TBCK: variants seen among roughly 807,000 people sequenced by gnomAD.
TBCK encodes TBC1 domain containing kinase.
TBCK carries 99 observed loss-of-function variants against 113.4 expected under a neutral mutation model. That is an observed-to-expected ratio of 0.87 (90% CI 0.74 to 1.03). The LOEUF (loss-of-function observed/expected upper bound fraction) is 1.03. Among genes scored for constraint, TBCK ranks in the 50% least tolerant of loss-of-function variants. The probability of loss-of-function intolerance (pLI) is 0.00; values close to 1 mark genes in which losing one functional copy is unlikely to be tolerated. For synonymous variants in TBCK, 369 were observed against 370.8 expected (o/e 1.00, Z 0.05); for missense variants, 1,045 against 1,061.3 (o/e 0.98, Z 0.21).
chr4:106,152,761 G>C (rs983553338), intron 23 of TBCK, among the ~76,000 whole-genome samples: 1 of 151,982 alleles, frequency 6.6e-6, no homozygotes, highest in African/African-American at 2.4e-5. Context: ...CTCATTACTT[G>C]TTGTTGATCT....
chr4:106,205,939 T>C (rs1755452021), intron 20 of TBCK, among the ~76,000 whole-genome samples: 1 of 152,092 alleles, frequency 6.6e-6, no homozygotes, highest in Non-Finnish European at 1.5e-5. Flanking sequence ...AATACCACTA[T>C]TGCATTTTTG....
Position 106,107,218 on chromosome 4 carries a change from T to C in TBCK, c.2411+8985A>G, listed in dbSNP as rs116969499. On this transcript the variant is annotated intron_variant, in intron 24 of 25. Transcript: ENST00000394708. ...CTTCAACACTCCAATGACAGTATTA[T>C]ACAGATCACTGAAGCAGAAAATTAA... Among the ~76,000 whole-genome samples the C allele has an allele frequency of 6.2e-4, 95 of 152,238 alleles. 1 individual carries two copies. The East Asian group carries it at 0.018, about 28-fold the overall frequency.
At chr4:106,123,377 A>G (rs1744711285) in intron 23 of TBCK, among the ~76,000 whole-genome samples, 1 of 152,254 alleles carries the variant, frequency 6.6e-6, no homozygotes, top group Non-Finnish European at 1.5e-5. Flanking sequence ...AAAAGAGGAT[A>G]CAAACAAATG....
chr4:106,190,975 T>A (rs1376265001), intron 22 of TBCK, among the ~76,000 whole-genome samples: 1 of 152,172 alleles, frequency 6.6e-6, no homozygotes, highest in Admixed American at 6.5e-5. Context: ...AACTTTTAAG[T>A]ACATACAAAA....
intron 25 of TBCK, among the ~76,000 whole-genome samples, chr4:106,050,767 G>A (rs1030909165): frequency 4.6e-5 from 7 of 151,998 alleles, no homozygotes; most frequent in African/African-American, 7.2e-5. Context: ...AACATCCCAC[G>A]TGAGGGGGCC....
At chr4:106,309,314 T>A (rs1057158004) in intron 1 of TBCK, among the ~76,000 whole-genome samples, 1 of 104,210 alleles carries the variant, frequency 9.6e-6, no homozygotes, top group Non-Finnish European at 2.3e-5. Flanking sequence ...TCTTTTTTTT[T>A]TTTTTTTTTT....
intron 19 of TBCK, among the ~76,000 whole-genome samples, chr4:106,223,759 T>G (rs1757952173): frequency 6.6e-6 from 1 of 152,146 alleles, no homozygotes; most frequent in Non-Finnish European, 1.5e-5. Flanking sequence ...CCAAATATAG[T>G]CTACCTGGTT....
At chr4:106,184,989 T>C (rs1752846917) in intron 22 of TBCK, among the ~76,000 whole-genome samples, 1 of 152,048 alleles carries the variant, frequency 6.6e-6, no homozygotes, top group Non-Finnish European at 1.5e-5. Context: ...TGCAGCAGCT[T>C]GGAAAATTTA....
At chr4:106,128,314 A>G (rs935062645) in intron 23 of TBCK, among the ~76,000 whole-genome samples, 4 of 152,200 alleles carry the variant, frequency 2.6e-5, no homozygotes, top group African/African-American at 9.6e-5. Context: ...GTTTTTTGAG[A>G]CAGCTATTCT....
At chr4:106,278,584 A>AG (rs1764254646) in intron 3 of TBCK, among the ~76,000 whole-genome samples, 1 of 150,036 alleles carries the variant, frequency 6.7e-6, no homozygotes, top group African/African-American at 2.4e-5. Context: ...AAAAAAAAAA[A>AG]GAGTTCATGA....
At chr4:106,072,684 A>G (rs554235223) in intron 25 of TBCK, among the ~76,000 whole-genome samples, 30 of 152,326 alleles carry the variant, frequency 2.0e-4, no homozygotes, top group Admixed American at 2.6e-4. Context: ...AATAGCCTGA[A>G]GAGTGTTTTC....
chr4:106,183,160 A>T (rs1390248266), intron 22 of TBCK, among the ~76,000 whole-genome samples: 2 of 152,050 alleles, frequency 1.3e-5, no homozygotes, highest in Non-Finnish European at 2.9e-5. Context: ...CTCTCTTTCT[A>T]CTGCTTAGAA....
intron 23 of TBCK, among the ~76,000 whole-genome samples, chr4:106,130,428 A>ACT (rs775345172): frequency 3.3e-5 from 5 of 152,204 alleles, no homozygotes; most frequent in Non-Finnish European, 7.4e-5. Context: ...CACTGAACTC[A>ACT]TGTAAAGAAA....
intron 25 of TBCK, among the ~76,000 whole-genome samples, chr4:106,088,012 C>T (rs1391854979): frequency 6.6e-6 from 1 of 152,190 alleles, no homozygotes; most frequent in Non-Finnish European, 1.5e-5. Context: ...TAGAAGAAAA[C>T]CTAGGCAATA....
chr4:106,184,398 T>C (rs1047448129), intron 22 of TBCK, among the ~76,000 whole-genome samples: 1 of 151,936 alleles, frequency 6.6e-6, no homozygotes, highest in Non-Finnish European at 1.5e-5. Flanking sequence ...CACAAGGCAG[T>C]CAAGTGACTT....
At chr4:106,267,072 G>C (rs1022640861) in intron 3 of TBCK, among the ~76,000 whole-genome samples, 1 of 151,884 alleles carries the variant, frequency 6.6e-6, no homozygotes, top group African/African-American at 2.4e-5. Flanking sequence ...TGAGAATCTT[G>C]TTAAATAGAC....
intron 2 of TBCK, 85 bp downstream of exon 2, chr4:106,308,683 C>T (rs1035449935): frequency 7.9e-7 from 1 of 1,271,024 alleles, no homozygotes; most frequent in African/African-American, 1.5e-5. Context: ...CTGATGATAG[C>T]TTTATATATT....
intron 3 of TBCK, among the ~76,000 whole-genome samples, chr4:106,272,792 GC>G (rs1398320860): frequency 6.6e-6 from 1 of 151,984 alleles, no homozygotes; most frequent in Non-Finnish European, 1.5e-5. Context: ...ACCTCGCCTG[GC>G]CTCTTTAACT....
chr4:106,188,139 G>A (rs1376546992), intron 22 of TBCK, among the ~76,000 whole-genome samples: 1 of 152,148 alleles, frequency 6.6e-6, no homozygotes, highest in Non-Finnish European at 1.5e-5. Context: ...TTCTCAAGGG[G>A]AATATGCATC....
Sources: gnomAD v4.1 joint callset for allele counts (sites outside exome capture counted in the v4.1 genomes callset) on GRCh38, gnomAD v4.1.1 for gene constraint, MANE v1.5 for transcripts, NCBI Gene and HGNC (gene_info 2026-07-23, HGNC 2026-07-21) for gene names.